The following CNTLN variants were observed in gnomAD, a reference collection of about 807,000 sequenced individuals.
The protein encoded by CNTLN is centlein, centrosomal protein.
CNTLN carries 212 observed loss-of-function variants against 180.0 expected under a neutral mutation model. That is an observed-to-expected ratio of 1.18 (90% CI 1.05 to 1.32). The LOEUF (loss-of-function observed/expected upper bound fraction) is 1.32, where lower values mean the gene tolerates loss of function less well. Among genes scored for constraint, CNTLN ranks in the 40% most tolerant of loss-of-function variants. The probability of loss-of-function intolerance (pLI) is 0.00; values close to 1 mark genes in which losing one functional copy is unlikely to be tolerated. For synonymous variants in CNTLN, 722 were observed against 563.1 expected, an observed-to-expected ratio of 1.28 and a Z score of -3.99; for missense variants, 2,095 against 1,610.9, an observed-to-expected ratio of 1.30 and a Z score of -5.14.
chr9:17,498,133 A>T (rs1252880094), intron 25 of CNTLN, among the ~76,000 whole-genome samples: 1 of 152,130 alleles, frequency 6.6e-6, no homozygotes, highest in Non-Finnish European at 1.5e-5. Context: ...CAAATTGTTA[A>T]TTTTGTCCTT....
At chr9:17,191,006 T>C (rs1821756465) in intron 2 of CNTLN, among the ~76,000 whole-genome samples, 1 of 152,236 alleles carries the variant, frequency 6.6e-6, no homozygotes, top group African/African-American at 2.4e-5. Context: ...CTCTCATTTT[T>C]TCATGATGCC....
chr9:17,473,835 C>T (rs997564731), intron 23 of CNTLN, among the ~76,000 whole-genome samples: 8 of 152,276 alleles, frequency 5.3e-5, no homozygotes, highest in Middle Eastern at 6.8e-3. Context: ...AATCTGTGAT[C>T]AGTTCTCAGT....
intron 23 of CNTLN, among the ~76,000 whole-genome samples, chr9:17,481,932 G>T (rs1832670138): frequency 6.6e-6 from 1 of 152,198 alleles, no homozygotes; most frequent in African/African-American, 2.4e-5. Context: ...CCAAAGGTTG[G>T]ACTGACTGGT....
intron 11 of CNTLN, among the ~76,000 whole-genome samples, chr9:17,341,191 C>G (rs961571911): frequency 1.3e-5 from 2 of 152,112 alleles, no homozygotes; most frequent in Non-Finnish European, 2.9e-5. Context: ...TTATTGTACA[C>G]ATTTTTAATA....
At chr9:17,416,989 A>G (rs1009081767) in intron 18 of CNTLN, among the ~76,000 whole-genome samples, 1 of 152,176 alleles carries the variant, frequency 6.6e-6, no homozygotes, top group Non-Finnish European at 1.5e-5. Flanking sequence ...CAAACAATAC[A>G]TATAAACACT....
chr9:17,281,876 CA>C (rs1407966807), intron 6 of CNTLN, among the ~76,000 whole-genome samples: 3 of 152,182 alleles, frequency 2.0e-5, no homozygotes, highest in African/African-American at 7.2e-5. Context: ...CTGTCTTCCA[CA>C]ATGGTTGCAC....
intron 18 of CNTLN, among the ~76,000 whole-genome samples, chr9:17,454,703 C>T (rs916055451): frequency 2.6e-5 from 4 of 152,140 alleles, no homozygotes; most frequent in African/African-American, 4.8e-5. Context: ...AAGATTCTGT[C>T]CTCGAGATCA....
intron 2 of CNTLN, among the ~76,000 whole-genome samples, chr9:17,185,793 G>GTGTGTGTGTATC (rs1821397612): frequency 6.6e-6 from 1 of 151,892 alleles, no homozygotes; most frequent in South Asian, 2.1e-4. Flanking sequence ...GTGTGTGTGT[G>GTGTGTGTGTATC]TGTGTGTGTA....
intron 5 of CNTLN, among the ~76,000 whole-genome samples, chr9:17,259,706 G>C (rs1399215511): frequency 2.7e-5 from 4 of 150,806 alleles, no homozygotes; most frequent in African/African-American, 9.9e-5. Context: ...AGTCTTGGGA[G>C]AGTGTATGTG....
Position 17,486,842 on chromosome 9 carries a change from A to T in CNTLN, c.4042-147A>T, listed in dbSNP as rs536734729. On this transcript the variant is annotated intron_variant, in intron 24 of 25. Transcript: ENST00000380647. ...ATAAATTAAATTTTAAAGAGCATGG[A>T]CTTAAATATTTCTACTTTGAGATGA... The T allele has an allele frequency of 8.0e-4, 457 of 568,608 alleles. 1 individual carries two copies. The African/African-American group carries it at 8.5e-3, about 11-fold the overall frequency. 35.2% of individuals were successfully genotyped at this position (568,608 alleles called of 1,614,324 possible). A position where few individuals can be genotyped will look rare whatever the true frequency, so the allele number is the denominator to read the frequency against.
At chr9:17,354,190 C>A (rs1367175104) in intron 12 of CNTLN, among the ~76,000 whole-genome samples, 5 of 152,198 alleles carry the variant, frequency 3.3e-5, no homozygotes, top group Non-Finnish European at 7.3e-5. Flanking sequence ...GGCTCGGGAC[C>A]TGCAGCCCGC....
chr9:17,157,709 A>G (rs924969795), intron 2 of CNTLN, among the ~76,000 whole-genome samples: 1 of 152,212 alleles, frequency 6.6e-6, no homozygotes, highest in African/African-American at 2.4e-5. Flanking sequence ...GCTCTCTGCT[A>G]TGATAATATG....
rs1563806957 is a variant in CNTLN, at chr9:17,135,237, G to GTGGGT, written c.173_177dup (p.Glu60TrpfsTer32). ...CGCGGACGAAAGTGATAAAATCTGGGTGGGTGAAGAAGGGTCAGGGGGCCG... is the reference window on the plus strand; with the variant it reads ...CGCGGACGAAAGTGATAAAATCTGGGTGGGTTGGGTGAAGAAGGGTCAGGGGGCCG... On this transcript the variant is annotated frameshift_variant, in exon 1 of 26. Coordinates refer to ENST00000380647, the MANE Select transcript of CNTLN (RefSeq NM_017738.4). LOFTEE classifies it high-confidence loss of function. 3.1e-6 allele frequency: 5 copies of GTGGGT among 1,609,282 alleles called. No homozygotes were observed. The highest frequency in any genetic ancestry group is 4.2e-6 in the Non-Finnish European group (5 of 1,178,228).
intron 2 of CNTLN, among the ~76,000 whole-genome samples, chr9:17,161,626 T>A (rs1440244254): frequency 6.6e-6 from 1 of 152,218 alleles, no homozygotes; most frequent in Non-Finnish European, 1.5e-5. Flanking sequence ...GCTTTAAAAA[T>A]TAGTATTAGT....
intron 6 of CNTLN, among the ~76,000 whole-genome samples, chr9:17,282,048 T>G (rs549426561): frequency 1.1e-4 from 16 of 152,324 alleles, no homozygotes; most frequent in Admixed American, 1.3e-4. Context: ...CTGCAACTTA[T>G]GCCTCCCCAG....
chr9:17,325,502 T>C (rs1456780268), intron 8 of CNTLN, among the ~76,000 whole-genome samples: 1 of 151,338 alleles, frequency 6.6e-6, no homozygotes, highest in Admixed American at 6.6e-5. Context: ...AGTTAGTTTT[T>C]CTGATATATA....
the CNTLN span, among the ~76,000 whole-genome samples, chr9:17,512,239 C>T: frequency 0.18 from 27,956 of 152,112 alleles, 2,872 homozygotes; most frequent in Non-Finnish European, 0.23. Context: ...GATTCAAAGC[C>T]AAAGTAGAAT....
Position 17,502,994 on chromosome 9 carries a change from A to G in CNTLN, c.*342A>G, listed in dbSNP as rs1032142027. The G allele has an allele frequency of 6.4e-6, 1 of 155,816 alleles. No individual in the cohort carries two copies. The highest frequency in any genetic ancestry group is 6.5e-5 in the Admixed American group (1 of 15,334). The allele number at this position is 155,816 out of a possible 1,614,324, so 9.7% of individuals were successfully genotyped here. On this transcript the variant is annotated 3_prime_UTR_variant, in exon 26 of 26. Transcript: ENST00000380647. ...GCATAAGAAGAAAAAGTATCAACTA[A>G]GGATTTAATGTTTTACGTTTCATGA...
At chr9:17,213,501 G>A (rs1055387915) in intron 2 of CNTLN, among the ~76,000 whole-genome samples, 4 of 152,198 alleles carry the variant, frequency 2.6e-5, no homozygotes, top group Admixed American at 6.5e-5. Flanking sequence ...TGGAATAAGT[G>A]CGATGTGGTG....
Sources: gnomAD v4.1 joint callset for allele counts (sites outside exome capture counted in the v4.1 genomes callset) on GRCh38, gnomAD v4.1.1 for gene constraint, MANE v1.5 for transcripts, NCBI Gene and HGNC (gene_info 2026-07-23, HGNC 2026-07-21) for gene names.